Variants in PARD3 observed in about 807,000 individuals in gnomAD.
PARD3 encodes par-3 family cell polarity regulator.
A neutral mutation model predicts 155.4 loss-of-function variants in PARD3; 75 were observed. The ratio of observed to expected loss-of-function variants is 0.48; its 90% CI spans 0.40 to 0.58. The LOEUF (loss-of-function observed/expected upper bound fraction) is 0.58, where lower values mean the gene tolerates loss of function less well. PARD3 is among the 20% of genes least tolerant of loss of function. PARD3 has a pLI of 0.00. For missense variants in PARD3, 1,642 were observed against 1,721.7 expected (o/e 0.95, Z 0.82); for synonymous variants, 576 against 610.5 (o/e 0.94, Z 0.83).
intron 1 of PARD3, among the ~76,000 whole-genome samples, chr10:34,740,745 T>A (rs908337314): frequency 1.1e-4 from 17 of 152,080 alleles, no homozygotes; most frequent in Admixed American, 6.5e-5. Flanking sequence ...GAATCTTCAT[T>A]CTGAACAACA....
chr10:34,464,706 A>G (rs2077893071), intron 4 of PARD3, among the ~76,000 whole-genome samples: 1 of 152,184 alleles, frequency 6.6e-6, no homozygotes, highest in South Asian at 2.1e-4. Context: ...TATGTAAACT[A>G]TCCATATTTA....
chr10:34,182,723 A>G (rs1462671545), intron 22 of PARD3, among the ~76,000 whole-genome samples: 1 of 145,870 alleles, frequency 6.9e-6, no homozygotes, highest in Non-Finnish European at 1.5e-5. Context: ...TTGTTGGTTT[A>G]GCTTCAAACT....
chr10:34,235,610 CTAA>C (rs1197552888), intron 22 of PARD3, among the ~76,000 whole-genome samples: 3 of 152,144 alleles, frequency 2.0e-5, no homozygotes, highest in Non-Finnish European at 4.4e-5. Context: ...TTACTGAGTT[CTAA>C]TGACTGACAT....
intron 2 of PARD3, among the ~76,000 whole-genome samples, chr10:34,601,122 T>A (rs1302546727): frequency 6.6e-6 from 1 of 151,712 alleles, no homozygotes; most frequent in African/African-American, 2.4e-5. Context: ...AAATTTTAAT[T>A]TCAATTTAAA....
At chr10:34,473,869 C>A (rs1265471168) in intron 3 of PARD3, among the ~76,000 whole-genome samples, 1 of 152,240 alleles carries the variant, frequency 6.6e-6, no homozygotes, top group Non-Finnish European at 1.5e-5. Flanking sequence ...CCCTGGGCTG[C>A]TACTCTCTGC....
chr10:34,649,286 A>T (rs1355626641), intron 2 of PARD3, among the ~76,000 whole-genome samples: 1 of 152,184 alleles, frequency 6.6e-6, no homozygotes, highest in Non-Finnish European at 1.5e-5. Context: ...TCCATAATTA[A>T]TTAAGGTAAA....
intron 2 of PARD3, among the ~76,000 whole-genome samples, chr10:34,636,033 G>A (rs1028838841): frequency 1.7e-4 from 26 of 149,596 alleles, no homozygotes; most frequent in African/African-American, 5.2e-4. Context: ...AAAAAAAGAA[G>A]AAGAAGAAAG....
In PARD3 at chr10:34,643,280, C is replaced by G. The variant is rs1016731118; in HGVS notation, c.222+53038G>C. ...TATGTGTTCTGTGGTACAACTTCAGCTCCTAACTGTGCGTCCTCATTGCCT... is the reference window on the plus strand; with the variant it reads ...TATGTGTTCTGTGGTACAACTTCAGGTCCTAACTGTGCGTCCTCATTGCCT... On this transcript the variant is annotated intron_variant, in intron 2 of 24. Transcript: ENST00000374788. Among the ~76,000 whole-genome samples the G allele has an allele frequency of 3.9e-5, 6 of 152,230 alleles. No homozygotes were observed. The South Asian group carries it at 8.3e-4, about 21-fold the overall frequency.
At chr10:34,323,374 G>A (rs1050695111) in intron 19 of PARD3, among the ~76,000 whole-genome samples, 6 of 151,324 alleles carry the variant, frequency 4.0e-5, no homozygotes, top group Non-Finnish European at 5.9e-5. Flanking sequence ...GCATGAAACA[G>A]GAAGACTTTA....
intron 6 of PARD3, among the ~76,000 whole-genome samples, chr10:34,401,279 C>G (rs1042736160): frequency 6.6e-6 from 1 of 152,106 alleles, no homozygotes; most frequent in Non-Finnish European, 1.5e-5. Flanking sequence ...TTTCTTTGTC[C>G]TTTTACACTT....
intron 22 of PARD3, among the ~76,000 whole-genome samples, chr10:34,202,357 G>C (rs1395201602): frequency 1.3e-5 from 2 of 152,222 alleles, no homozygotes; most frequent in Non-Finnish European, 2.9e-5. Context: ...ATAGGCATGA[G>C]GCACTGCATT....
At chr10:34,141,547 A>G (rs1948188093) in intron 22 of PARD3, among the ~76,000 whole-genome samples, 1 of 152,214 alleles carries the variant, frequency 6.6e-6, no homozygotes, top group African/African-American at 2.4e-5. Context: ...TCATCTCTCC[A>G]TCGGAAAGCC....
At chr10:34,172,423 A>G (rs1949838945) in intron 22 of PARD3, among the ~76,000 whole-genome samples, 1 of 152,210 alleles carries the variant, frequency 6.6e-6, no homozygotes, top group East Asian at 1.9e-4. Flanking sequence ...TTTTATAAAA[A>G]GCTCCAACAT....
chr10:34,569,356 G>A (rs1212800453), intron 2 of PARD3, among the ~76,000 whole-genome samples: 2 of 152,126 alleles, frequency 1.3e-5, no homozygotes, highest in Non-Finnish European at 2.9e-5. Flanking sequence ...AATTATGAGG[G>A]AGAAATTATT....
intron 2 of PARD3, among the ~76,000 whole-genome samples, chr10:34,522,285 G>T (rs1041338404): frequency 1.3e-5 from 2 of 152,112 alleles, no homozygotes; most frequent in African/African-American, 2.4e-5. Context: ...CAAGGAAAGT[G>T]AGCAGCATTT....
intron 23 of PARD3, among the ~76,000 whole-genome samples, chr10:34,125,071 C>CTTTCTTTTTTTTT (rs1554790399): frequency 7.1e-6 from 1 of 140,636 alleles, no homozygotes; most frequent in African/African-American, 2.8e-5. Flanking sequence ...CTATTTCTTT[C>CTTTCTTTTTTTTT]TTTTTTTTTT....
chr10:34,731,673 C>T (rs997383655), intron 1 of PARD3, among the ~76,000 whole-genome samples: 7 of 152,270 alleles, frequency 4.6e-5, no homozygotes, highest in African/African-American at 1.7e-4. Context: ...TAATTTTTTT[C>T]ACAATCAAAT....
At chr10:34,287,855 C>T (rs187977546) in intron 20 of PARD3, among the ~76,000 whole-genome samples, 2 of 152,316 alleles carry the variant, frequency 1.3e-5, no homozygotes, top group East Asian at 3.9e-4. Context: ...CCCCTAATCA[C>T]TGGAATAACT....
intron 18 of PARD3, among the ~76,000 whole-genome samples, chr10:34,332,798 A>G (rs969248172): frequency 1.3e-5 from 2 of 152,292 alleles, no homozygotes; most frequent in Non-Finnish European, 2.9e-5. Context: ...AAAGTTCATG[A>G]GATTTATTTC....
Sources: gnomAD v4.1 joint callset for allele counts (sites outside exome capture counted in the v4.1 genomes callset) on GRCh38, gnomAD v4.1.1 for gene constraint, MANE v1.5 for transcripts, NCBI Gene and HGNC (gene_info 2026-07-23, HGNC 2026-07-21) for gene names.